The following SATB2 variants were observed in gnomAD, a reference collection of about 807,000 sequenced individuals.
SATB2 encodes SATB homeobox 2.
SATB2 carries 1 observed loss-of-function variant against 73.4 expected under a neutral mutation model. The observed-to-expected ratio is 0.01, with a 90% CI of 0.00 to 0.06. The LOEUF is 0.06. SATB2 is among the 10% of genes least tolerant of loss of function. The pLI, the probability that SATB2 is intolerant of heterozygous loss-of-function variation, is 1.00. For synonymous variants in SATB2, 397 were observed against 367.0 expected, an observed-to-expected ratio of 1.08 and a Z score of -0.93; for missense variants, 459 against 945.8, an observed-to-expected ratio of 0.49 and a Z score of 6.75.
At chr2:199,374,164 G>A (rs1031361754) in intron 5 of SATB2, among the ~76,000 whole-genome samples, 1 of 152,108 alleles carries the variant, frequency 6.6e-6, no homozygotes. Context: ...TTGTCACACC[G>A]GAAATCTAGT....
At chr2:199,352,540 A>G (rs951595710) in intron 6 of SATB2, among the ~76,000 whole-genome samples, 1 of 152,186 alleles carries the variant, frequency 6.6e-6, no homozygotes, top group Non-Finnish European at 1.5e-5. Flanking sequence ...AAGAAGAGCA[A>G]CTATGGAAGT....
chr2:199,464,431 GCGCA>G lies in SATB2; in HGVS notation c.-141+401_-141+404del, dbSNP rs1038345246. ...CCCACCACCATTTCCACGCGCGCGCGCGCACACACACACACACACACACAGAGGG... is the reference window on the plus strand; with the variant it reads ...CCCACCACCATTTCCACGCGCGCGCGCACACACACACACACACACAGAGGG... On this transcript the variant is annotated intron_variant, in intron 1 of 11. Transcript: ENST00000260926. The surrounding 1 kb of genome is among the most constrained non-coding windows in gnomAD (Gnocchi z 6.6). Among the ~76,000 whole-genome samples, 2 of 146,168 alleles carry G rather than the reference GCGCA, an allele frequency of 1.4e-5. No homozygotes were observed. The highest frequency in any genetic ancestry group is 3.0e-5 in the Non-Finnish European group (2 of 67,660).
At chr2:199,417,036 T>TCACACACACACA (rs55763647) in intron 3 of SATB2, among the ~76,000 whole-genome samples, 2 of 144,166 alleles carry the variant, frequency 1.4e-5, no homozygotes, top group Admixed American at 6.9e-5. Context: ...ACTCCGTCTC[T>TCACACACACACA]CACACACACA....
At chr2:199,289,278 G>C (rs1333488058) in intron 10 of SATB2, among the ~76,000 whole-genome samples, 1 of 152,116 alleles carries the variant, frequency 6.6e-6, no homozygotes, top group African/African-American at 2.4e-5. Context: ...ACAAGGACAG[G>C]CACTCTTGTT....
intron 3 of SATB2, among the ~76,000 whole-genome samples, chr2:199,390,614 T>A (rs1298314495): frequency 2.0e-5 from 3 of 152,222 alleles, no homozygotes; most frequent in Admixed American, 6.5e-5. Flanking sequence ...TTTGCTACAT[T>A]CTAGCAGATG....
chr2:199,324,074 G>C, intron 8 of SATB2, 116 bp from the exon 9 acceptor site: 1 of 1,024,990 alleles, frequency 9.8e-7, no homozygotes, highest in South Asian at 1.3e-5. Context: ...TAGCTACAGA[G>C]GGACACTTCC....
At chr2:199,433,822 G>GTTTTATCATTAACTATA (rs1691575144) in intron 2 of SATB2, among the ~76,000 whole-genome samples, 1 of 152,036 alleles carries the variant, frequency 6.6e-6, no homozygotes, top group Non-Finnish European at 1.5e-5. Flanking sequence ...AATGTCTATA[G>GTTTTATCATTAACTATA]TTTTATCATT....
At chr2:199,433,846 A>T (rs1691575865) in intron 2 of SATB2, among the ~76,000 whole-genome samples, 1 of 152,196 alleles carries the variant, frequency 6.6e-6, no homozygotes, top group Non-Finnish European at 1.5e-5. Flanking sequence ...TATCAGCACT[A>T]GTATTTTCAG....
Position 199,323,789 on chromosome 2 carries a change from TA to T in SATB2, c.1542+13del. 1 of 1,613,308 alleles carries T rather than the reference TA, an allele frequency of 6.2e-7. No individual in the cohort carries two copies. The highest frequency in any genetic ancestry group is 8.5e-7 in the Non-Finnish European group (1 of 1,179,448). On this transcript the variant is annotated intron_variant, in intron 9 of 10. Coordinates refer to ENST00000417098, the MANE Select transcript of SATB2 (RefSeq NM_001172509.2). Reference sequence around the variant, plus strand: ...ATTCCAGCCCTCGATTTTGCTTTTTTAAAAACCACTCACCTGACTTTTATTT... The same window carrying T: ...ATTCCAGCCCTCGATTTTGCTTTTTTAAAACCACTCACCTGACTTTTATTT...
intron 6 of SATB2, among the ~76,000 whole-genome samples, chr2:199,368,151 A>C (rs1352320279): frequency 6.6e-6 from 1 of 152,098 alleles, no homozygotes; most frequent in Admixed American, 6.6e-5. Context: ...GTAGAAGCTA[A>C]AGATTTGAAC....
chr2:199,357,613 C>T (rs1689024058), intron 6 of SATB2, among the ~76,000 whole-genome samples: 2 of 152,102 alleles, frequency 1.3e-5, no homozygotes, highest in South Asian at 2.1e-4. Flanking sequence ...TAAAAGATAG[C>T]TCCTTTAAAT....
intron 3 of SATB2, among the ~76,000 whole-genome samples, chr2:199,401,413 C>T (rs1690471300): frequency 1.3e-5 from 2 of 151,194 alleles, no homozygotes; most frequent in African/African-American, 2.4e-5. Flanking sequence ...ATTAGCCAGG[C>T]GTGGTGGTGC....
At chr2:199,317,831 G>A (rs946402820) in intron 9 of SATB2, among the ~76,000 whole-genome samples, 1 of 151,964 alleles carries the variant, frequency 6.6e-6, no homozygotes, top group Non-Finnish European at 1.5e-5. Context: ...TGACGCTCGC[G>A]CATCATATCA....
chr2:199,450,203 G>A (rs889153062), intron 2 of SATB2, among the ~76,000 whole-genome samples: 2 of 152,024 alleles, frequency 1.3e-5, no homozygotes, highest in African/African-American at 4.8e-5. Flanking sequence ...GAAATAATAT[G>A]AAACAGTATT....
chr2:199,333,816 C>T (rs757317574), intron 7 of SATB2, among the ~76,000 whole-genome samples: 9 of 152,050 alleles, frequency 5.9e-5, no homozygotes, highest in South Asian at 4.1e-4. Context: ...CAAATGATCA[C>T]GATTCCATTT....
chr2:199,299,626 T>C (rs534648943), intron 10 of SATB2, among the ~76,000 whole-genome samples: 2 of 101,234 alleles, frequency 2.0e-5, no homozygotes, highest in Non-Finnish European at 5.2e-5. Context: ...AATGTACATG[T>C]GAAATTTTGT....
At chr2:199,348,201 CTT>C (rs1362957115) in intron 7 of SATB2, 3 of 152,254 alleles carry the variant, frequency 2.0e-5, no homozygotes, top group African/African-American at 4.8e-5. Context: ...TTAAATCTAA[CTT>C]TTATGTTTTG....
rs138461528 is a variant in SATB2 at position 199,428,312 on chromosome 2, A to G, written c.346+5026T>C. On this transcript the variant is annotated intron_variant, in intron 3 of 10. Coordinates refer to ENST00000417098, the MANE Select transcript of SATB2 (RefSeq NM_001172509.2). Reference sequence around the variant, plus strand: ...AATGAAGTCTGTCTCTGTTACTTCAAAAAAGTATCTATATATTTCATCAAA... The same window carrying G: ...AATGAAGTCTGTCTCTGTTACTTCAGAAAAGTATCTATATATTTCATCAAA... 2.4e-4 allele frequency among the ~76,000 whole-genome samples: 36 copies of G among 152,346 alleles called. 1 individual carries two copies. The highest frequency in any genetic ancestry group is 5.0e-4 in the Non-Finnish European group (34 of 68,028).
intron 3 of SATB2, among the ~76,000 whole-genome samples, chr2:199,411,223 A>G (rs893523631): frequency 6.6e-5 from 10 of 151,988 alleles, no homozygotes; most frequent in African/African-American, 2.2e-4. Flanking sequence ...GAAAAAAGAA[A>G]AAAAAAAAAA....
Sources: gnomAD v4.1 joint callset for allele counts (sites outside exome capture counted in the v4.1 genomes callset) on GRCh38, gnomAD v4.1.1 for gene constraint, Gnocchi (gnomAD v3.1) non-coding constraint, MANE v1.5 for transcripts, NCBI Gene and HGNC (gene_info 2026-07-23, HGNC 2026-07-21) for gene names.